The following VWF variants were observed in gnomAD, a reference collection of about 807,000 sequenced individuals.
The protein encoded by VWF is von Willebrand factor.
In VWF, 176 loss-of-function variants were observed where a neutral mutation model predicts 308.6. That is an observed-to-expected ratio of 0.57 (90% confidence interval 0.50 to 0.65). VWF has a LOEUF of 0.65. VWF is among the 30% of genes least tolerant of loss of function. The pLI is 0.00. For missense variants in VWF, 3,146 were observed against 3,648.2 expected (o/e 0.86, Z 3.55); for synonymous variants, 1,385 against 1,443.4 (o/e 0.96, Z 0.92).
At chr12:6,004,417 G>C (rs1447987685) in intron 34 of VWF, among the ~76,000 whole-genome samples, 1 of 152,056 alleles carries the variant, frequency 6.6e-6, no homozygotes, top group Non-Finnish European at 1.5e-5. Flanking sequence ...TGAGAATTGA[G>C]GGATACTTTC....
At chr12:5,976,616 C>T (rs1226998555) in intron 42 of VWF, among the ~76,000 whole-genome samples, 1 of 152,042 alleles carries the variant, frequency 6.6e-6, no homozygotes, top group Non-Finnish European at 1.5e-5. Flanking sequence ...CATGCCCAGA[C>T]CCAGTAATGT....
chr12:6,110,801 A>G, intron 4 of VWF, 65 bp downstream of exon 4: 2 of 1,533,228 alleles, frequency 1.3e-6, no homozygotes, highest in South Asian at 2.2e-5. Context: ...TTCCTCATCT[A>G]AAAATGAGGG....
intron 16 of VWF, among the ~76,000 whole-genome samples, chr12:6,051,420 T>C (rs1436849173): frequency 6.6e-6 from 1 of 151,686 alleles, no homozygotes; most frequent in East Asian, 2.0e-4. Flanking sequence ...GCCTCCCAAA[T>C]AGCTGGGACT....
chr12:6,034,972 G>A (rs12810426), intron 19 of VWF, 146 bp from the exon 20 acceptor site: 194,225 of 980,864 alleles, frequency 0.2, 21,415 homozygotes, highest in Non-Finnish European at 0.23. Flanking sequence ...GACCTGTAGC[G>A]TGGAGTGTGG....
In VWF at chr12:6,032,850, GCA is replaced by G. The variant is rs555789996; in HGVS notation, c.2686-1274_2686-1273del. On this transcript the variant is annotated intron_variant, in intron 20 of 51. Coordinates refer to ENST00000261405, the MANE Select transcript of VWF (RefSeq NM_000552.5). ...CACACGTGCTCACACATACACAGAT[GCA>G]CACACATACACCCATGTACTCATAC... is the stretch of plus-strand genomic sequence containing the variant. Among the ~76,000 whole-genome samples, 967 of 144,348 alleles carry G rather than the reference GCA, an allele frequency of 6.7e-3. 3 individuals are homozygous for G. The highest frequency in any genetic ancestry group is 0.011 in the Middle Eastern group (3 of 284). The allele number at this position is 144,348 out of a possible 152,430, so 94.7% of individuals were successfully genotyped here.
chr12:6,053,859 G>A (rs972578994), intron 15 of VWF, among the ~76,000 whole-genome samples: 2 of 152,210 alleles, frequency 1.3e-5, no homozygotes, highest in Admixed American at 6.5e-5. Flanking sequence ...CCAGCTCAGC[G>A]GTCCCAAGAA....
intron 5 of VWF, among the ~76,000 whole-genome samples, chr12:6,104,952 T>G (rs913602804): frequency 3.3e-5 from 5 of 152,108 alleles, no homozygotes; most frequent in Non-Finnish European, 5.9e-5. Context: ...TGCAGCAACA[T>G]GGGTGGGATT....
chr12:5,988,277 C>T (rs948265750), intron 38 of VWF, among the ~76,000 whole-genome samples: 9 of 152,066 alleles, frequency 5.9e-5, no homozygotes, highest in African/African-American at 2.2e-4. Flanking sequence ...ACAACCCTGG[C>T]GACAGCATGC....
chr12:6,107,671 T>TATA (rs139129064), intron 5 of VWF, among the ~76,000 whole-genome samples: 7 of 150,854 alleles, frequency 4.6e-5, no homozygotes, highest in African/African-American at 1.7e-4. Context: ...TATATATATA[T>TATA]TTTTTGAGAC....
chr12:5,976,907 T>C (rs1183509747), intron 42 of VWF, among the ~76,000 whole-genome samples: 1 of 152,198 alleles, frequency 6.6e-6, no homozygotes. Context: ...GACATCCTTT[T>C]GTTGGAATGA....
chr12:5,952,912 A>G (rs1279094342), intron 48 of VWF, among the ~76,000 whole-genome samples: 1 of 152,144 alleles, frequency 6.6e-6, no homozygotes, highest in African/African-American at 2.4e-5. Context: ...CAGACGCCCA[A>G]GGGTAGAGAA....
rs780840625 is a variant in VWF, at chr12:6,019,672, T to A, written c.3746A>T (p.Asp1249Val). The A allele has an allele frequency of 4.7e-5, 76 of 1,613,558 alleles. No homozygotes were observed. The highest frequency in any genetic ancestry group is 6.0e-5 in the Non-Finnish European group (71 of 1,179,806). ...CAGAGTGGTGGGGCTCACCGGGGCATCTGTGGGAGGCACCACCAGGCCTCC... is the reference window on the plus strand; with the variant it reads ...CAGAGTGGTGGGGCTCACCGGGGCAACTGTGGGAGGCACCACCAGGCCTCC... ...EPGGLVVPPT[D>V]APVSPTTLYV... Residue 1249 changes from aspartate to valine, a missense_variant, in exon 28 of 52, where the codon GAT (aspartate) becomes GTT (valine). By Grantham distance (152) the Asp-to-Val change is radical (BLOSUM62 -3). Coordinates refer to ENST00000261405, the MANE Select transcript of VWF (RefSeq NM_000552.5). The surrounding 1 kb of genome is among the most constrained non-coding windows in gnomAD (Gnocchi z 5.8).
At chr12:6,118,286 G>A (rs1945391170) in intron 3 of VWF, among the ~76,000 whole-genome samples, 1 of 150,638 alleles carries the variant, frequency 6.6e-6, no homozygotes, top group Non-Finnish European at 1.5e-5. Flanking sequence ...GAGCAGAGCT[G>A]AACTAACAGA....
chr12:5,989,007 G>A (rs573278399), intron 38 of VWF, among the ~76,000 whole-genome samples: 1 of 152,168 alleles, frequency 6.6e-6, no homozygotes, highest in Non-Finnish European at 1.5e-5. Context: ...TGTGATGGGG[G>A]ATGCAAATGA....
intron 47 of VWF, among the ~76,000 whole-genome samples, chr12:5,961,248 A>G (rs1003108521): frequency 6.6e-6 from 1 of 152,214 alleles, no homozygotes; most frequent in Non-Finnish European, 1.5e-5. Context: ...AATAAGGTGC[A>G]TAATAAACAT....
Position 5,985,481 on chromosome 12 carries a change from C to T in VWF, c.6901+82G>A, listed in dbSNP as rs78486739. ...GTGCCAGTGTTTGAGTCTGCTCTGC[C>T]AGAGGTGAAGATGGGTGGCTGGGGG... On this transcript the variant is annotated intron_variant, in intron 39 of 51. Transcript: ENST00000261405. 2.1e-4 allele frequency: 295 copies of T among 1,436,990 alleles called. No homozygotes were observed. In the African/African-American group the frequency reaches 3.8e-3, roughly 18 times the overall value. The allele number at this position is 1,436,990 out of a possible 1,614,324, so 89.0% of individuals were successfully genotyped here.
At chr12:6,004,447 A>ATGTGTGTGCACGTG (rs1943905558) in intron 34 of VWF, among the ~76,000 whole-genome samples, 3 of 152,150 alleles carry the variant, frequency 2.0e-5, no homozygotes, top group Admixed American at 2.0e-4. Context: ...AATACATGAT[A>ATGTGTGTGCACGTG]TGTGTGTGCA....
intron 16 of VWF, among the ~76,000 whole-genome samples, chr12:6,049,555 C>G (rs1944484818): frequency 6.6e-6 from 1 of 152,242 alleles, no homozygotes; most frequent in South Asian, 2.1e-4. Flanking sequence ...ACCTTCTGAT[C>G]CCCAAATTCA....
At chr12:5,998,499 A>ATATATATATATATG (rs1491340324) in intron 34 of VWF, among the ~76,000 whole-genome samples, 3 of 17,146 alleles carry the variant, frequency 1.7e-4, no homozygotes, top group African/African-American at 7.3e-4. Flanking sequence ...AAAAAAAAAA[A>ATATATATATATATG]TATATATATA....
Sources: gnomAD v4.1 joint callset for allele counts (sites outside exome capture counted in the v4.1 genomes callset) on GRCh38, gnomAD v4.1.1 for gene constraint, Gnocchi (gnomAD v3.1) non-coding constraint, MANE v1.5 for transcripts, NCBI Gene and HGNC (gene_info 2026-07-23, HGNC 2026-07-21) for gene names.